PCDH15: variants seen among roughly 807,000 people sequenced by gnomAD.
The protein encoded by PCDH15 is protocadherin-15.
PCDH15 carries 129 observed loss-of-function variants against 178.5 expected under a neutral mutation model. That is an observed-to-expected ratio of 0.72 (90% CI 0.63 to 0.84). The LOEUF is 0.84. Ranked by LOEUF, PCDH15 falls within the 40% of genes least tolerant of loss-of-function variation. The pLI, the probability that PCDH15 is intolerant of heterozygous loss-of-function variation, is 0.00. For missense variants in PCDH15, 2,230 were observed against 2,099.9 expected, an observed-to-expected ratio of 1.06 and a Z score of -1.21; for synonymous variants, 800 against 732.0, an observed-to-expected ratio of 1.09 and a Z score of -1.50.
At chr10:54,553,613 G>T (rs2133221724) in intron 2 of PCDH15, among the ~76,000 whole-genome samples, 1 of 152,174 alleles carries the variant, frequency 6.6e-6, no homozygotes, top group South Asian at 2.1e-4. Flanking sequence ...AGCCAGCTCT[G>T]GAATTAATAA....
chr10:54,120,798 A>G (rs993688500), intron 15 of PCDH15, among the ~76,000 whole-genome samples: 11 of 152,180 alleles, frequency 7.2e-5, no homozygotes, highest in African/African-American at 1.9e-4. Context: ...TCACAAAACC[A>G]GTACTCTAGA....
intron 1 of PCDH15, among the ~76,000 whole-genome samples, chr10:54,778,396 G>A (rs1379557532): frequency 6.6e-6 from 1 of 152,068 alleles, no homozygotes; most frequent in African/African-American, 2.4e-5. Flanking sequence ...ATAGTCCCGG[G>A]GTGGAGGGGC....
chr10:55,079,479 C>T (rs941590767), intron 2 of PCDH15, among the ~76,000 whole-genome samples: 5 of 152,152 alleles, frequency 3.3e-5, no homozygotes, highest in Non-Finnish European at 7.4e-5. Context: ...TCTTTAGCCC[C>T]AGTCATGACA....
At chr10:53,892,228 T>C (rs1401311524) in intron 26 of PCDH15, among the ~76,000 whole-genome samples, 4 of 151,780 alleles carry the variant, frequency 2.6e-5, no homozygotes, top group Non-Finnish European at 5.9e-5. Context: ...GGTTTCACCA[T>C]CTTGGCCAGG....
At chr10:54,062,404 GT>G (rs1482440124) in intron 18 of PCDH15, among the ~76,000 whole-genome samples, 5 of 151,782 alleles carry the variant, frequency 3.3e-5, no homozygotes, top group Non-Finnish European at 5.9e-5. Flanking sequence ...AGTCTTAATA[GT>G]TTTTGATGAC....
chr10:54,424,701 C>A (rs1232372267), intron 3 of PCDH15, among the ~76,000 whole-genome samples: 1 of 151,890 alleles, frequency 6.6e-6, no homozygotes, highest in Non-Finnish European at 1.5e-5. Context: ...GAGTTCATGT[C>A]CTTTGTAGGG....
chr10:54,761,160 C>A (rs78661684), intron 1 of PCDH15, among the ~76,000 whole-genome samples: 3,017 of 152,136 alleles, frequency 0.02, 101 homozygotes, highest in African/African-American at 0.067. Context: ...ATGATCACAA[C>A]AAGCTCTAAA....
intron 2 of PCDH15, among the ~76,000 whole-genome samples, chr10:54,570,300 C>G (rs2089634904): frequency 6.6e-6 from 1 of 151,984 alleles, no homozygotes; most frequent in Non-Finnish European, 1.5e-5. Flanking sequence ...TAATGAAAAC[C>G]TGGAAAGTAG....
chr10:55,608,817 G>C (rs1227384265), intron 2 of PCDH15, among the ~76,000 whole-genome samples: 1 of 152,060 alleles, frequency 6.6e-6, no homozygotes, highest in South Asian at 2.1e-4. Flanking sequence ...GATGAAGAAA[G>C]GGCCTGGCAT....
At chr10:54,108,084 G>T (rs1343035127) in intron 15 of PCDH15, among the ~76,000 whole-genome samples, 3 of 152,116 alleles carry the variant, frequency 2.0e-5, no homozygotes, top group African/African-American at 7.2e-5. Flanking sequence ...TCTACAGTGG[G>T]ATGTCAAAGC....
chr10:54,913,858 C>T (rs1954859473), intron 2 of PCDH15, among the ~76,000 whole-genome samples: 1 of 152,206 alleles, frequency 6.6e-6, no homozygotes, highest in Admixed American at 6.5e-5. Context: ...TGCATGGGGC[C>T]TGTAGCCCCT....
rs1842109888 is a variant in PCDH15, at chr10:55,557,263, T to C, written c.-156+70362A>G. 2.6e-5 allele frequency among the ~76,000 whole-genome samples: 4 copies of C among 152,200 alleles called. No individual in the cohort carries two copies. The South Asian group carries it at 8.3e-4, about 31-fold the overall frequency. ...GAACACCCATAAGCAGATTGATCTG[T>C]AAACTTCTTTTATCATATTTTCATA... On this transcript the variant is annotated intron_variant, in intron 2 of 5. Transcript: ENST00000613346.
intron 3 of PCDH15, among the ~76,000 whole-genome samples, chr10:54,838,309 A>C (rs1208442911): frequency 6.6e-6 from 1 of 152,096 alleles, no homozygotes; most frequent in Non-Finnish European, 1.5e-5. Flanking sequence ...GCAGTTTCCC[A>C]CATGTGGTTC....
intron 25 of PCDH15, among the ~76,000 whole-genome samples, chr10:53,929,610 A>G (rs1404544102): frequency 1.3e-5 from 2 of 152,182 alleles, no homozygotes; most frequent in Non-Finnish European, 2.9e-5. Flanking sequence ...ATAGGTAAAG[A>G]GTCATTAGCA....
rs1049420155 is a variant in PCDH15 at position 54,628,614 on chromosome 10, T to C, written c.91+35558A>G. ...CAATTGAAATACGGATGCAAAATTA[T>C]TATACGTGATTAATTACTTTAGGTC... is the stretch of plus-strand genomic sequence containing the variant. On this transcript the variant is annotated intron_variant, in intron 2 of 37. Coordinates refer to ENST00000644397, the MANE Select transcript of PCDH15 (RefSeq NM_001384140.1). Among the ~76,000 whole-genome samples the C allele has an allele frequency of 2.0e-5, 3 of 152,174 alleles. No individual in the cohort carries two copies. The East Asian group carries it at 5.8e-4, about 29-fold the overall frequency.
intron 2 of PCDH15, among the ~76,000 whole-genome samples, chr10:55,404,684 T>C (rs1838155997): frequency 6.6e-6 from 1 of 151,946 alleles, no homozygotes; most frequent in Non-Finnish European, 1.5e-5. Context: ...ATGTCTTTAG[T>C]GGGAATGAGT....
chr10:54,309,320 TACACACACACAC>T (rs71984217), intron 8 of PCDH15, among the ~76,000 whole-genome samples: 15 of 146,290 alleles, frequency 1.0e-4, no homozygotes, highest in African/African-American at 1.5e-4. Context: ...TATACGTACA[TACACACACACAC>T]ACACACACAC....
intron 3 of PCDH15, among the ~76,000 whole-genome samples, chr10:54,487,878 TA>T (rs1480227487): frequency 6.6e-6 from 1 of 151,796 alleles, no homozygotes; most frequent in African/African-American, 2.4e-5. Context: ...AAACAAACAA[TA>T]AAAATGCATA....
At chr10:54,528,082 A>G (rs904449977) in intron 2 of PCDH15, among the ~76,000 whole-genome samples, 2 of 152,108 alleles carry the variant, frequency 1.3e-5, no homozygotes, top group African/African-American at 4.8e-5. Flanking sequence ...CACTTTGTGC[A>G]TCACAAAACT....
Sources: gnomAD v4.1 joint callset for allele counts (sites outside exome capture counted in the v4.1 genomes callset) on GRCh38, gnomAD v4.1.1 for gene constraint, MANE v1.5 for transcripts, NCBI Gene and HGNC (gene_info 2026-07-23, HGNC 2026-07-21) for gene names.